Variants in CSGALNACT1 observed in about 807,000 individuals in gnomAD.
The protein encoded by CSGALNACT1 is beta4GalNAcT-1.
In CSGALNACT1, 52 loss-of-function variants were observed where a neutral mutation model predicts 51.0. That is an observed-to-expected ratio of 1.02 (90% confidence interval 0.82 to 1.29). CSGALNACT1 has a LOEUF of 1.29. CSGALNACT1 is among the 50% of genes most tolerant of loss of function. CSGALNACT1 has a pLI of 0.00. For synonymous variants in CSGALNACT1, 341 were observed against 254.4 expected, an observed-to-expected ratio of 1.34 and a Z score of -3.24; for missense variants, 935 against 679.2, an observed-to-expected ratio of 1.38 and a Z score of -4.19.
At chr8:19,658,396 C>G (rs1236918950) in intron 1 of CSGALNACT1, among the ~76,000 whole-genome samples, 1 of 152,060 alleles carries the variant, frequency 6.6e-6, no homozygotes, top group African/African-American at 2.4e-5. Context: ...AACTATGTTT[C>G]AAGATAATAG....
chr8:19,679,825 C>T (rs996568671), intron 1 of CSGALNACT1, among the ~76,000 whole-genome samples: 1 of 152,264 alleles, frequency 6.6e-6, no homozygotes, highest in Admixed American at 6.5e-5. Context: ...ACTTTACCTG[C>T]GGCTTTATAG....
chr8:19,745,546 T>C (rs1166060830), intron 1 of CSGALNACT1, among the ~76,000 whole-genome samples: 1 of 152,236 alleles, frequency 6.6e-6, no homozygotes, highest in African/African-American at 2.4e-5. Flanking sequence ...TTTCAAACTT[T>C]AATTCACTAG....
chr8:19,461,639 G>A (rs112902934), intron 4 of CSGALNACT1, among the ~76,000 whole-genome samples: 62 of 16,106 alleles, frequency 3.8e-3, no homozygotes, highest in Admixed American at 6.2e-3. Flanking sequence ...TCCGCACAGC[G>A]GCCACATTCA....
chr8:19,499,523 A>G (rs1051064829), intron 4 of CSGALNACT1, among the ~76,000 whole-genome samples: 1 of 152,216 alleles, frequency 6.6e-6, no homozygotes, highest in African/African-American at 2.4e-5. Flanking sequence ...TTGAATAAGG[A>G]TAATACAATT....
At chr8:19,438,710 C>T (rs1159596226) in intron 6 of CSGALNACT1, among the ~76,000 whole-genome samples, 2 of 152,154 alleles carry the variant, frequency 1.3e-5, no homozygotes, top group African/African-American at 2.4e-5. Context: ...AACGGGCATG[C>T]CTGCATTCCA....
intron 1 of CSGALNACT1, among the ~76,000 whole-genome samples, chr8:19,614,906 A>C (rs760999281): frequency 1.4e-4 from 22 of 152,234 alleles, no homozygotes; most frequent in Non-Finnish European, 2.2e-4. Context: ...AGAAGACAGG[A>C]TGTGTAACAG....
chr8:19,579,568 G>A (rs751951667), intron 3 of CSGALNACT1, among the ~76,000 whole-genome samples: 1 of 152,134 alleles, frequency 6.6e-6, no homozygotes, highest in Admixed American at 6.5e-5. Flanking sequence ...AGATAGAGAC[G>A]GACACATAGG....
chr8:19,523,102 G>A (rs1045214800), intron 3 of CSGALNACT1, among the ~76,000 whole-genome samples: 1 of 152,134 alleles, frequency 6.6e-6, no homozygotes, highest in Non-Finnish European at 1.5e-5. Context: ...AAATCTACAA[G>A]GAACAAGACC....
At chr8:19,725,623 T>A (rs987749391) in intron 1 of CSGALNACT1, among the ~76,000 whole-genome samples, 1 of 151,828 alleles carries the variant, frequency 6.6e-6, no homozygotes, top group Non-Finnish European at 1.5e-5. Flanking sequence ...CGGGCTTTCA[T>A]CATGTTGGCC....
chr8:19,510,025 G>C (rs912360510), intron 3 of CSGALNACT1, among the ~76,000 whole-genome samples: 26 of 152,292 alleles, frequency 1.7e-4, no homozygotes, highest in African/African-American at 6.3e-4. Flanking sequence ...ACCCCTGGAA[G>C]AAGGGAGATA....
chr8:19,628,101 A>G (rs2054677859), intron 1 of CSGALNACT1, among the ~76,000 whole-genome samples: 1 of 152,314 alleles, frequency 6.6e-6, no homozygotes, highest in Admixed American at 6.5e-5. Flanking sequence ...AGAACTTTAC[A>G]TACATCAATA....
chr8:19,534,334 C>A (rs1190236679), intron 3 of CSGALNACT1, among the ~76,000 whole-genome samples: 4 of 151,920 alleles, frequency 2.6e-5, no homozygotes, highest in Non-Finnish European at 5.9e-5. Flanking sequence ...GCCTTTAGTA[C>A]CAGCTACTCA....
chr8:19,484,374 C>T (rs1369602209), intron 4 of CSGALNACT1, among the ~76,000 whole-genome samples: 3 of 152,104 alleles, frequency 2.0e-5, no homozygotes, highest in African/African-American at 7.2e-5. Flanking sequence ...CACTGGGGGT[C>T]TTGGAACATA....
exon 10 of CSGALNACT1, chr8:19,404,674 G>A (rs760789514): frequency 3.1e-5 from 14 of 453,784 alleles, no homozygotes; most frequent in South Asian, 2.0e-4. Context: ...GGAGCACCCT[G>A]TTTTGAAAAG....
exon 10 of CSGALNACT1, chr8:19,404,732 G>T (rs1393243009): frequency 6.6e-6 from 3 of 454,388 alleles, no homozygotes; most frequent in African/African-American, 4.0e-5. Context: ...AAACAGGTAA[G>T]AAAGCGGTCC....
intron 4 of CSGALNACT1, among the ~76,000 whole-genome samples, chr8:19,475,771 T>G (rs1190182324): frequency 6.6e-6 from 1 of 152,202 alleles, no homozygotes; most frequent in African/African-American, 2.4e-5. Flanking sequence ...CACGCTAAAC[T>G]CCTGTGTTGT....
At chr8:19,625,308 G>C (rs1256869186) in intron 1 of CSGALNACT1, among the ~76,000 whole-genome samples, 1 of 152,224 alleles carries the variant, frequency 6.6e-6, no homozygotes, top group Non-Finnish European at 1.5e-5. Context: ...GGGGTACCAA[G>C]TTTAATGCTA....
intron 8 of CSGALNACT1, among the ~76,000 whole-genome samples, chr8:19,413,411 A>G (rs1208844090): frequency 6.6e-6 from 1 of 152,174 alleles, no homozygotes; most frequent in Admixed American, 6.5e-5. Flanking sequence ...AATGAGAATA[A>G]TAGCACCTCT....
At chr8:19,698,811 G>T (rs189287754) in intron 1 of CSGALNACT1, among the ~76,000 whole-genome samples, 1 of 152,230 alleles carries the variant, frequency 6.6e-6, no homozygotes, top group Admixed American at 6.5e-5. Flanking sequence ...CAGCAATTTT[G>T]CTTCTAAGTA....
Sources: allele counts gnomAD v4.1 joint callset (sites outside exome capture counted in the v4.1 genomes callset), GRCh38; gene constraint gnomAD v4.1.1; transcripts MANE v1.5; gene names NCBI Gene and HGNC (gene_info 2026-07-23, HGNC 2026-07-21).